BYSL: variants seen among roughly 807,000 people sequenced by gnomAD.
The protein encoded by BYSL is bystin like.
A neutral mutation model predicts 45.4 loss-of-function variants in BYSL; 21 were observed. The ratio of observed to expected loss-of-function variants is 0.46; its 90% CI spans 0.33 to 0.67. The LOEUF (loss-of-function observed/expected upper bound fraction) is 0.67, where lower values mean the gene tolerates loss of function less well. BYSL is among the 30% of genes least tolerant of loss of function. BYSL has a pLI of 0.02. For synonymous variants in BYSL, 215 were observed against 231.3 expected, an observed-to-expected ratio of 0.93 and a Z score of 0.64; for missense variants, 522 against 578.5, an observed-to-expected ratio of 0.90 and a Z score of 1.00.
upstream of BYSL, chr6:41,920,930 G>A: frequency 3.2e-6 from 5 of 1,552,308 alleles, no homozygotes; most frequent in Non-Finnish European, 4.4e-6. Flanking sequence ...AGAGGACGGC[G>A]GACCATGGTC....
rs777075586 is a variant in BYSL at position 41,931,381 on chromosome 6, C to T, written c.705-15C>T. 16 of 1,613,576 alleles carry T rather than the reference C, an allele frequency of 9.9e-6. No homozygotes were observed. The African/African-American group carries it at 2.1e-4, about 22-fold the overall frequency. On this transcript the variant is annotated splice_polypyrimidine_tract_variant and intron_variant, in intron 4 of 6. Coordinates refer to ENST00000230340, the MANE Select transcript of BYSL (RefSeq NM_004053.4). ...TCGTGTGAGTTGGAAACTTCCCCCG[C>T]TTAACTCCCACTAGGATTTTTGCCT... is the stretch of plus-strand genomic sequence containing the variant.
At chr6:41,909,465 A>C in the BYSL span, 1 of 1,614,276 alleles carries the variant, frequency 6.2e-7, no homozygotes. Flanking sequence ...AAAGAGGGCG[A>C]AACAGCTCAA....
Position 41,932,780 on chromosome 6 carries a change from A to G in BYSL, c.*74A>G. The G allele has an allele frequency of 6.9e-7, 1 of 1,454,920 alleles. No individual in the cohort carries two copies. Among genetic ancestry groups the G allele is most frequent in the South Asian group, 1.3e-5 (1 of 75,628 alleles). The allele number at this position is 1,454,920 out of a possible 1,614,324, so 90.1% of individuals were successfully genotyped here. ...ACCCCCGTTGGTGACTGAAGATGACACTGAGCTTTAATGGCTGAAGACCCA... is the reference window on the plus strand; with the variant it reads ...ACCCCCGTTGGTGACTGAAGATGACGCTGAGCTTTAATGGCTGAAGACCCA... On this transcript the variant is annotated 3_prime_UTR_variant, in exon 7 of 7. Coordinates refer to ENST00000230340, the MANE Select transcript of BYSL (RefSeq NM_004053.4). The surrounding 1 kb of genome is among the most constrained non-coding windows in gnomAD (Gnocchi z 4.7).
intron 2 of BYSL, 130 bp downstream of exon 2, chr6:41,927,666 G>C (rs1369631303): frequency 8.6e-7 from 1 of 1,156,268 alleles, no homozygotes; most frequent in Non-Finnish European, 1.2e-6. Context: ...GGACCACCTT[G>C]ACAAAACTGG....
upstream of BYSL, chr6:41,921,414 G>T: frequency 8.8e-7 from 1 of 1,130,286 alleles, no homozygotes; most frequent in Non-Finnish European, 1.2e-6. Flanking sequence ...TGGGAGGGGC[G>T]GCGCTGATGG....
chr6:41,921,944 A>G, intron 1 of BYSL, 114 bp downstream of exon 1: 1 of 1,398,654 alleles, frequency 7.1e-7, no homozygotes, highest in Non-Finnish European at 9.4e-7. Context: ...GGTCCGTATT[A>G]CACTTGCAAA....
rs571820293 is a variant in BYSL at position 41,927,464 on chromosome 6, A to G, written c.359A>G (p.His120Arg). The G allele has an allele frequency of 6.2e-7, 1 of 1,614,222 alleles. No homozygotes were observed. The highest frequency in any genetic ancestry group is 1.1e-5 in the South Asian group (1 of 91,088). ...GCCACAATGACAGCAGCGGGCCATC[A>G]TGCAGAGGTGGTTGTGGACCCTGAG... ...KAATMTAAGHHAEVVVDPEDE... is the reference protein window; with the variant it reads ...KAATMTAAGHRAEVVVDPEDE... Residue 120 changes from histidine to arginine, a missense_variant, in exon 2 of 7, where the codon CAT becomes CGT. By Grantham distance (29) the His-to-Arg change is conservative (BLOSUM62 0). Transcript: ENST00000230340.
chr6:41,926,796 T>G (rs953522856), intron 1 of BYSL, among the ~76,000 whole-genome samples: 1 of 151,136 alleles, frequency 6.6e-6, no homozygotes, highest in Non-Finnish European at 1.5e-5. Flanking sequence ...GTATAGTGTT[T>G]AGAAGTTCCT....
At chr6:41,919,708 T>C (rs1170645683), upstream of BYSL, among the ~76,000 whole-genome samples, 1 of 152,090 alleles carries the variant, frequency 6.6e-6, no homozygotes, top group African/African-American at 2.4e-5. Context: ...AGCAGGAGGC[T>C]CGCTTGAGTT....
intron 2 of BYSL, among the ~76,000 whole-genome samples, chr6:41,928,553 G>C (rs1427845907): frequency 6.6e-6 from 1 of 152,162 alleles, no homozygotes; most frequent in Non-Finnish European, 1.5e-5. Flanking sequence ...CAATTTAGCA[G>C]AATGCTTTTC....
Position 41,930,252 on chromosome 6 carries a change from G to T in BYSL, c.552G>T (p.Val184=), listed in dbSNP as rs200946471. Residue 184 remains valine (V), a synonymous_variant, in exon 3 of 7, where the codon GTG becomes GTT. Transcript: ENST00000230340. ...MPQLDPRVLE[V]YRGVREVLSK... is the part of the protein sequence containing the mutation. ...AGCTGGACCCCCGGGTCCTAGAAGT[G>T]TACAGGGGGGTCCGGGAGGTAAGAG... is the stretch of plus-strand genomic sequence containing the variant. 6.2e-7 allele frequency: 1 copy of T among 1,614,028 alleles called. No individual in the cohort carries two copies. Among genetic ancestry groups the T allele is most frequent in the African/African-American group, 1.3e-5 (1 of 74,942 alleles).
chr6:41,931,583 G>A, intron 5 of BYSL, 27 bp downstream of exon 5: 1 of 1,614,098 alleles, frequency 6.2e-7, no homozygotes. Context: ...ACGGAAGAAA[G>A]GGAAGGGCTG....
chr6:41,920,668 G>T, upstream of BYSL: 1 of 243,330 alleles, frequency 4.1e-6, no homozygotes. Flanking sequence ...CCAGCTACTC[G>T]GGACTACAGG....
intron 4 of BYSL, 137 bp downstream of exon 4, chr6:41,930,905 A>G (rs1775629558): frequency 8.0e-7 from 1 of 1,247,562 alleles, no homozygotes; most frequent in South Asian, 1.7e-5. Flanking sequence ...TTATAGCATC[A>G]TTTTTCTAGC....
upstream of BYSL, among the ~76,000 whole-genome samples, chr6:41,917,128 G>C (rs1438353388): frequency 6.6e-6 from 1 of 152,070 alleles, no homozygotes; most frequent in East Asian, 1.9e-4. Flanking sequence ...TTGGCCAGGC[G>C]TGGTGGCTCA....
upstream of BYSL, chr6:41,921,494 C>A (rs567623262): frequency 6.7e-6 from 10 of 1,491,186 alleles, 1 homozygote; most frequent in South Asian, 1.4e-4. Context: ...GGGAGTCCAC[C>A]GCGCAAGCGC....
chr6:41,921,690 G>C lies in BYSL; in HGVS notation c.128G>C (p.Gly43Ala). The change falls in exon 1 of 7, where the codon GGA becomes GCA. Residue 43 changes from glycine to alanine, a missense_variant. Coordinates refer to ENST00000230340, the MANE Select transcript of BYSL (RefSeq NM_004053.4). ...VREKRRGRGT[G>A]EAEEEYVGPR... ...GAGAAGCGGCGGGGTCGCGGGACAG[G>C]AGAAGCGGAGGAAGAGTATGTGGGG... 6.2e-7 allele frequency: 1 copy of C among 1,613,200 alleles called. No homozygotes were observed. The highest frequency in any genetic ancestry group is 8.5e-7 in the Non-Finnish European group (1 of 1,179,726).
chr6:41,922,634 G>A (rs1050004701), intron 1 of BYSL, among the ~76,000 whole-genome samples: 1 of 152,132 alleles, frequency 6.6e-6, no homozygotes, highest in Non-Finnish European at 1.5e-5. Context: ...TCAGTCCTCT[G>A]ACCTCTTCAA....
chr6:41,931,881 G>A (rs1219859190), intron 6 of BYSL, 51 bp downstream of exon 6: 1 of 1,527,942 alleles, frequency 6.5e-7, no homozygotes, highest in East Asian at 2.2e-5. Context: ...TCCAGATAGT[G>A]GAATTGCCAG....
Sources: gnomAD v4.1 joint callset for allele counts (sites outside exome capture counted in the v4.1 genomes callset) on GRCh38, gnomAD v4.1.1 for gene constraint, Gnocchi (gnomAD v3.1) non-coding constraint, MANE v1.5 for transcripts, NCBI Gene and HGNC (gene_info 2026-07-23, HGNC 2026-07-21) for gene names.